PLXNA4: variants seen among roughly 807,000 people sequenced by gnomAD.
PLXNA4 encodes the protein plexin A4.
A neutral mutation model predicts 191.8 loss-of-function variants in PLXNA4; 44 were observed. That is an observed-to-expected ratio of 0.23 (90% CI 0.18 to 0.29). The LOEUF (loss-of-function observed/expected upper bound fraction) is 0.29. Among genes scored for constraint, PLXNA4 ranks in the 10% least tolerant of loss-of-function variants. The probability of loss-of-function intolerance (pLI) is 1.00; values close to 1 mark genes in which losing one functional copy is unlikely to be tolerated. For synonymous variants in PLXNA4, 1,082 were observed against 1,009.5 expected (o/e 1.07, Z -1.36); for missense variants, 1,800 against 2,488.8 (o/e 0.72, Z 5.89).
chr7:132,584,812 C>T (rs945975809), intron 2 of PLXNA4, among the ~76,000 whole-genome samples: 1 of 152,110 alleles, frequency 6.6e-6, no homozygotes, highest in East Asian at 1.9e-4. Context: ...ACTACGTTCT[C>T]CATTTTTCAA....
At chr7:132,608,546 A>T (rs2116850757) in intron 2 of PLXNA4, among the ~76,000 whole-genome samples, 1 of 152,292 alleles carries the variant, frequency 6.6e-6, no homozygotes, top group South Asian at 2.1e-4. Flanking sequence ...ACTGCCCAAG[A>T]AAGTCATAAG....
At chr7:132,373,693 T>G (rs568105500) in intron 3 of PLXNA4, among the ~76,000 whole-genome samples, 5 of 152,232 alleles carry the variant, frequency 3.3e-5, no homozygotes, top group African/African-American at 1.2e-4. Context: ...GGCTACTAAT[T>G]TTTGGCTTTT....
chr7:132,234,180 C>T (rs901745433), intron 5 of PLXNA4, among the ~76,000 whole-genome samples: 2 of 152,122 alleles, frequency 1.3e-5, no homozygotes, highest in African/African-American at 2.4e-5. Context: ...CTAATCCAGT[C>T]GGTAACAAGG....
chr7:132,286,990 C>A (rs1303117130), intron 4 of PLXNA4, among the ~76,000 whole-genome samples: 1 of 152,168 alleles, frequency 6.6e-6, no homozygotes, highest in Non-Finnish European at 1.5e-5. Context: ...TGGCCTTTAG[C>A]CACCAAGCAG....
At chr7:132,368,471 C>T (rs1216871528) in intron 3 of PLXNA4, among the ~76,000 whole-genome samples, 1 of 152,164 alleles carries the variant, frequency 6.6e-6, no homozygotes, top group African/African-American at 2.4e-5. Context: ...TGAGCCTAAG[C>T]CCAGCTGGCA....
At position 132,538,285 on chromosome 7, in the gene PLXNA4, G is replaced by C. The variant is rs140451461; in HGVS notation, c.-86-29506C>G. On this transcript the variant is annotated intron_variant, in intron 1 of 31. Coordinates refer to ENST00000321063, the MANE Select transcript of PLXNA4 (RefSeq NM_020911.2). Reference sequence around the variant, plus strand: ...TGGTGCTCCCGAAGCGGAGACACTCGGGCCCCATGAAGTTATATGATCAGC... The same window carrying C: ...TGGTGCTCCCGAAGCGGAGACACTCCGGCCCCATGAAGTTATATGATCAGC... Among the ~76,000 whole-genome samples the C allele has an allele frequency of 1.7e-3, 263 of 152,236 alleles. 3 individuals carry two copies. The highest frequency in any genetic ancestry group is 6.1e-3 in the African/African-American group (253 of 41,544).
In PLXNA4 at chr7:132,298,166, C is replaced by T. The variant is rs754162856; in HGVS notation, c.1428G>A (p.Val476=). 1.9e-6 allele frequency: 3 copies of T among 1,614,074 alleles called. No homozygotes were observed. The highest frequency in any genetic ancestry group is 1.7e-5 in the Admixed American group (1 of 60,012). ...NALQYETVQV[V]DPGPVLRDMA... ...TATCCCGGAGGACTGGGCCGGGGTCCACCACCTGCACCGTCTCATACTGGA... is the reference window on the plus strand; with the variant it reads ...TATCCCGGAGGACTGGGCCGGGGTCTACCACCTGCACCGTCTCATACTGGA... The change falls in exon 4 of 32, where the codon GTG becomes GTA. Residue 476 remains valine, a synonymous_variant. Transcript: ENST00000321063.
intron 2 of PLXNA4, among the ~76,000 whole-genome samples, chr7:132,603,667 C>T (rs1802863160): frequency 6.6e-6 from 1 of 152,162 alleles, no homozygotes; most frequent in Non-Finnish European, 1.5e-5. Context: ...CAGGAGCCAG[C>T]TCATACAGCA....
chr7:132,642,244 G>T (rs533244493), intron 2 of PLXNA4, among the ~76,000 whole-genome samples: 1 of 151,850 alleles, frequency 6.6e-6, no homozygotes, highest in Non-Finnish European at 1.5e-5. Context: ...TGGATATGTC[G>T]AAAGCCAACA....
intron 3 of PLXNA4, among the ~76,000 whole-genome samples, chr7:132,452,262 C>A (rs368884584): frequency 6.6e-6 from 1 of 152,180 alleles, no homozygotes; most frequent in African/African-American, 2.4e-5. Flanking sequence ...AAAGAGAAAT[C>A]GTTCCAGCAT....
intron 3 of PLXNA4, among the ~76,000 whole-genome samples, chr7:132,450,521 A>C (rs889976798): frequency 6.6e-6 from 1 of 152,136 alleles, no homozygotes; most frequent in African/African-American, 2.4e-5. Flanking sequence ...TTACTGTTCT[A>C]TCAGCAGCCA....
chr7:132,591,096 G>A (rs2116826439), intron 2 of PLXNA4, among the ~76,000 whole-genome samples: 1 of 152,278 alleles, frequency 6.6e-6, no homozygotes. Flanking sequence ...AGAGCATCTG[G>A]AAAGGAGGCA....
chr7:132,420,863 T>C (rs995683205), intron 3 of PLXNA4, among the ~76,000 whole-genome samples: 2 of 152,212 alleles, frequency 1.3e-5, no homozygotes, highest in Non-Finnish European at 2.9e-5. Context: ...TTCTCTTCTC[T>C]TGTCTGCCAC....
At chr7:132,376,830 C>T (rs1219908435) in intron 3 of PLXNA4, among the ~76,000 whole-genome samples, 1 of 152,240 alleles carries the variant, frequency 6.6e-6, no homozygotes, top group African/African-American at 2.4e-5. Context: ...GCCCCACCTG[C>T]ACCCAGTCCT....
intron 3 of PLXNA4, among the ~76,000 whole-genome samples, chr7:132,308,239 C>T (rs1401741597): frequency 6.6e-6 from 1 of 152,158 alleles, no homozygotes; most frequent in African/African-American, 2.4e-5. Flanking sequence ...GCACCATTCC[C>T]AGAGACTCAC....
chr7:132,578,312 G>A (rs1190640221), upstream of PLXNA4, among the ~76,000 whole-genome samples: 1 of 152,150 alleles, frequency 6.6e-6, no homozygotes, highest in Non-Finnish European at 1.5e-5. Flanking sequence ...AGTCCAGTAA[G>A]CATTCCCTGG....
chr7:132,388,236 G>A (rs2116976867), intron 3 of PLXNA4, among the ~76,000 whole-genome samples: 1 of 152,104 alleles, frequency 6.6e-6, no homozygotes, highest in Admixed American at 6.5e-5. Context: ...CCCTATTCCT[G>A]TCTCACCTGC....
chr7:132,433,803 C>T (rs376265061), intron 3 of PLXNA4, among the ~76,000 whole-genome samples: 2 of 152,176 alleles, frequency 1.3e-5, no homozygotes, highest in African/African-American at 2.4e-5. Context: ...GGCACCTCTT[C>T]GGATTCTAGA....
chr7:132,186,067 G>A (rs1377315117), intron 15 of PLXNA4, among the ~76,000 whole-genome samples: 2 of 152,162 alleles, frequency 1.3e-5, no homozygotes, highest in South Asian at 2.1e-4. Flanking sequence ...TCTGACTTGG[G>A]AATTGTCACA....
Sources: allele counts gnomAD v4.1 joint callset (sites outside exome capture counted in the v4.1 genomes callset), GRCh38; gene constraint gnomAD v4.1.1; transcripts MANE v1.5; gene names NCBI Gene and HGNC (gene_info 2026-07-23, HGNC 2026-07-21).